AFDN: variants seen among roughly 807,000 people sequenced by gnomAD.
The protein encoded by AFDN is afadin.
In AFDN, 68 loss-of-function variants were observed where a neutral mutation model predicts 216.6. The observed-to-expected ratio is 0.31, with a 90% confidence interval of 0.26 to 0.38. The LOEUF (loss-of-function observed/expected upper bound fraction) is 0.38. Among genes scored for constraint, AFDN ranks in the 10% least tolerant of loss-of-function variants. AFDN has a pLI of 1.00. For missense variants in AFDN, 2,136 were observed against 2,342.0 expected, an observed-to-expected ratio of 0.91 and a Z score of 1.82; for synonymous variants, 868 against 853.7, an observed-to-expected ratio of 1.02 and a Z score of -0.29.
intron 1 of AFDN, among the ~76,000 whole-genome samples, chr6:167,834,771 A>G (rs959376961): frequency 1.3e-5 from 2 of 151,752 alleles, no homozygotes; most frequent in African/African-American, 4.8e-5. Context: ...CTTGAGCCCA[A>G]AAGTTTGTGA....
At chr6:167,893,035 A>G (rs548100720) in intron 8 of AFDN, among the ~76,000 whole-genome samples, 8 of 152,304 alleles carry the variant, frequency 5.3e-5, no homozygotes, top group African/African-American at 1.9e-4. Flanking sequence ...AGGGAATCAC[A>G]GTGCCATGTG....
chr6:167,963,445 T>C lies in AFDN; in HGVS notation c.4968+878T>C, dbSNP rs577892273. On this transcript the variant is annotated intron_variant, in intron 31 of 33. Transcript: ENST00000683244. ...TTTAGTTTTTATTAATAATTCCTTCTTGGATAGTCTAGTGAACTATATTAA... is the reference window on the plus strand; with the variant it reads ...TTTAGTTTTTATTAATAATTCCTTCCTGGATAGTCTAGTGAACTATATTAA... The C allele has an allele frequency of 3.1e-5, 33 of 1,054,860 alleles. No individual in the cohort carries two copies. In the African/African-American group the frequency reaches 5.4e-4, roughly 17 times the overall value. 65.3% of individuals were successfully genotyped at this position (1,054,860 alleles called of 1,614,324 possible). A position where few individuals can be genotyped will look rare whatever the true frequency, so the allele number is the denominator to read the frequency against.
At chr6:167,943,851 A>G (rs1158157068) in intron 25 of AFDN, 90 bp from the exon 26 acceptor site, 1 of 1,081,656 alleles carries the variant, frequency 9.2e-7, no homozygotes, top group African/African-American at 1.6e-5. Context: ...GCTGTGTAAC[A>G]TGATTTTCCA....
chr6:167,837,358 T>A (rs1306178734), intron 1 of AFDN, among the ~76,000 whole-genome samples: 1 of 150,980 alleles, frequency 6.6e-6, no homozygotes, highest in Non-Finnish European at 1.5e-5. Flanking sequence ...TGTTCTGCCA[T>A]CTGAAGAAAT....
rs1255608443 is a variant in AFDN, at chr6:167,828,752, C to CT, written c.105+1526dup. ...CATAAAACATTTTCTTGGTGTGTAGCTTTTTTTTTTTGTTTGAATGGATTT... is the reference window on the plus strand; with the variant it reads ...CATAAAACATTTTCTTGGTGTGTAGCTTTTTTTTTTTTGTTTGAATGGATTT... On this transcript the variant is annotated intron_variant, in intron 1 of 33. Transcript: ENST00000683244. Among the ~76,000 whole-genome samples, 83 of 128,212 alleles carry CT rather than the reference C, an allele frequency of 6.5e-4. 1 individual carries two copies. Among genetic ancestry groups the CT allele is most frequent in the East Asian group, 3.8e-3 (17 of 4,506 alleles). The allele number at this position is 128,212 out of a possible 152,430, so 84.1% of individuals were successfully genotyped here. A position where few individuals can be genotyped will look rare whatever the true frequency, so the allele number is the denominator to read the frequency against.
chr6:167,915,875 T>A (rs1790993239), intron 19 of AFDN, among the ~76,000 whole-genome samples: 1 of 152,258 alleles, frequency 6.6e-6, no homozygotes, highest in Non-Finnish European at 1.5e-5. Flanking sequence ...GAAACAAATT[T>A]CATATTTAGA....
intron 23 of AFDN, among the ~76,000 whole-genome samples, chr6:167,931,017 T>C (rs60705312): frequency 0.13 from 19,341 of 151,944 alleles, 1,491 homozygotes; most frequent in South Asian, 0.23. Flanking sequence ...GCAGTGGAGA[T>C]GACGAGATGG....
intron 6 of AFDN, among the ~76,000 whole-genome samples, 189 bp from the exon 7 acceptor site, chr6:167,889,026 A>G (rs573803394): frequency 1.3e-5 from 2 of 152,260 alleles, no homozygotes; most frequent in Admixed American, 6.5e-5. Context: ...CAGCTGGCTT[A>G]GCTTTTTATT....
At chr6:167,926,672 C>T (rs1461613789) in intron 23 of AFDN, among the ~76,000 whole-genome samples, 1 of 152,218 alleles carries the variant, frequency 6.6e-6, no homozygotes, top group East Asian at 1.9e-4. Context: ...CTGGCCTCAA[C>T]CAGTCCTCCC....
intron 1 of AFDN, among the ~76,000 whole-genome samples, chr6:167,848,041 A>G (rs538363875): frequency 2.6e-5 from 4 of 152,302 alleles, no homozygotes; most frequent in East Asian, 1.9e-4. Context: ...TTCTTTCCCT[A>G]CAATTAGGCT....
chr6:167,890,917 C>T lies in AFDN; in HGVS notation c.1065C>T (p.Thr355=). 5.6e-6 allele frequency: 9 copies of T among 1,613,980 alleles called. No individual in the cohort carries two copies. Among genetic ancestry groups the T allele is most frequent in the Non-Finnish European group, 7.6e-6 (9 of 1,179,946 alleles). The change falls in exon 8 of 34, where the codon ACC becomes ACT. Residue 355 remains threonine (T), a synonymous_variant. Transcript: ENST00000683244. The stretch of plus-strand genomic sequence containing the variant: ...CACCAGACCACATCCCAAAGAAAAC[C>T]AAGAAACACTTGGAAGGCAAGACAC... ...RRPPDHIPKK[T]KKHLEGKTPK... is the part of the protein sequence containing the mutation.
chr6:167,866,827 A>T (rs1784240429), intron 2 of AFDN, among the ~76,000 whole-genome samples: 1 of 152,218 alleles, frequency 6.6e-6, no homozygotes. Context: ...TGGCACATGC[A>T]CCTTGTTTCT....
At chr6:167,955,948 C>G (rs922414060) in intron 30 of AFDN, among the ~76,000 whole-genome samples, 1 of 151,754 alleles carries the variant, frequency 6.6e-6, no homozygotes, top group East Asian at 1.9e-4. Context: ...AACCTCGTCT[C>G]TACTAAAAAT....
At position 167,863,690 on chromosome 6, in the gene AFDN, A is replaced by C. The variant is rs1334257954; in HGVS notation, c.106-861A>C. 9 of 469,908 alleles carry C rather than the reference A, an allele frequency of 1.9e-5. 1 individual carries two copies. Among genetic ancestry groups the C allele is most frequent in the South Asian group, 1.4e-4 (9 of 62,770 alleles). 29.1% of individuals were successfully genotyped at this position (469,908 alleles called of 1,614,324 possible). A position where few individuals can be genotyped will look rare whatever the true frequency, so the allele number is the denominator to read the frequency against. ...AGTTGTGCTTTTTCTGTGTGCAAGG[A>C]AATAATGGGAAAGGACATCCCACAG... On this transcript the variant is annotated intron_variant, in intron 1 of 33. Transcript: ENST00000683244.
chr6:167,831,462 A>C (rs1477763990), intron 1 of AFDN, among the ~76,000 whole-genome samples: 1 of 152,210 alleles, frequency 6.6e-6, no homozygotes, highest in Non-Finnish European at 1.5e-5. Context: ...GTGTTCTTGT[A>C]AGTCTGAGGG....
At chr6:167,955,071 A>G (rs1042513319) in intron 30 of AFDN, among the ~76,000 whole-genome samples, 1 of 152,194 alleles carries the variant, frequency 6.6e-6, no homozygotes, top group Non-Finnish European at 1.5e-5. Context: ...CAAAGTGTTC[A>G]TTGTCATATT....
chr6:167,969,645 C>T (rs1341064532), intron 33 of AFDN, 137 bp from the exon 34 acceptor site: 28 of 781,858 alleles, frequency 3.6e-5, no homozygotes, highest in East Asian at 5.8e-5. Flanking sequence ...CCTGTGATTT[C>T]GATTATAAGA....
chr6:167,963,134 T>A, intron 31 of AFDN: 1 of 1,066,614 alleles, frequency 9.4e-7, no homozygotes, highest in Non-Finnish European at 1.1e-6. Flanking sequence ...TGTGTGTGTT[T>A]AAATCAAGTA....
intron 1 of AFDN, among the ~76,000 whole-genome samples, chr6:167,857,507 T>C (rs759950334): frequency 1.3e-5 from 2 of 152,124 alleles, no homozygotes; most frequent in Non-Finnish European, 2.9e-5. Context: ...TTTTACTGGC[T>C]AGATAGTTCC....
Sources: allele counts gnomAD v4.1 joint callset (sites outside exome capture counted in the v4.1 genomes callset), GRCh38; gene constraint gnomAD v4.1.1; transcripts MANE v1.5; gene names NCBI Gene and HGNC (gene_info 2026-07-23, HGNC 2026-07-21).